Variants in MAST1 observed in about 807,000 individuals in gnomAD.
MAST1 encodes the protein microtubule associated serine/threonine kinase 1, also known as microtubule-associated serine/threonine-protein kinase 1.
MAST1 carries 40 observed loss-of-function variants against 124.6 expected under a neutral mutation model. That is an observed-to-expected ratio of 0.32 (90% CI 0.25 to 0.42). MAST1 has a LOEUF of 0.42. MAST1 is among the 10% of genes least tolerant of loss of function. MAST1 has a pLI of 1.00. For synonymous variants in MAST1, 938 were observed against 939.4 expected, an observed-to-expected ratio of 1.00 and a Z score of 0.03; for missense variants, 1,558 against 2,181.9, an observed-to-expected ratio of 0.71 and a Z score of 5.70.
At position 12,870,663 on chromosome 19, in the gene MAST1, C is replaced by CAAA. The variant is rs35890154; in HGVS notation, c.3004-147_3004-145dup. Among the ~76,000 whole-genome samples the CAAA allele has an allele frequency of 2.2e-3, 282 of 128,884 alleles. 3 individuals are homozygous for CAAA. The highest frequency in any genetic ancestry group is 7.1e-3 in the African/African-American group (243 of 34,128). 84.6% of individuals were successfully genotyped at this position (128,884 alleles called of 152,430 possible). A position where few individuals can be genotyped will look rare whatever the true frequency, so the allele number is the denominator to read the frequency against. ...CTGGGTGACAGAGTGAGACTCCGTC[C>CAAA]AAAAAAAAAAAAAAAATGTGGGGGG... is the stretch of plus-strand genomic sequence containing the variant. On this transcript the variant is annotated intron_variant, in intron 22 of 25. Transcript: ENST00000251472.
At position 12,865,051 on chromosome 19, in the gene MAST1, T is replaced by C. The variant is rs1217099209; in HGVS notation, c.1511T>C (p.Leu504Pro). 6.2e-7 allele frequency: 1 copy of C among 1,613,946 alleles called. No individual in the cohort carries two copies. The highest frequency in any genetic ancestry group is 8.5e-7 in the Non-Finnish European group (1 of 1,179,986). Reference sequence around the variant, plus strand: ...ATCCCCACCTGTGCCTACAGCCTCCTTATCACCTCCATGGGTCACATCAAG... The same window carrying C: ...ATCCCCACCTGTGCCTACAGCCTCCCTATCACCTCCATGGGTCACATCAAG... ...VHRDLKPDNL[L>P]ITSMGHIKLT... The change falls in exon 14 of 26, where the codon CTT becomes CCT. Residue 504 changes from leucine to proline, a missense_variant. Transcript: ENST00000251472. The surrounding 1 kb of genome is among the most constrained non-coding windows in gnomAD (Gnocchi z 7.1).
In MAST1 at chr19:12,866,038, G is replaced by A; in HGVS notation, c.1965G>A (p.Leu655=). The change falls in exon 17 of 26, where the codon CTG becomes CTA. Residue 655 remains leucine (L), a synonymous_variant. Transcript: ENST00000251472. The surrounding 1 kb of genome is among the most constrained non-coding windows in gnomAD (Gnocchi z 5.2). ...TTCGAGACCTGGACTGGACAGGGCT[G>A]CTGAGGCAGAAGGCCGAGTTCATCC... ...SFFRDLDWTG[L]LRQKAEFIPH... is the part of the protein sequence containing the mutation. The A allele has an allele frequency of 1.9e-6, 3 of 1,614,182 alleles. No homozygotes were observed. The highest frequency in any genetic ancestry group is 2.5e-6 in the Non-Finnish European group (3 of 1,180,040).
chr19:12,846,870 C>CA (rs386388580), intron 4 of MAST1, among the ~76,000 whole-genome samples: 5,212 of 46,918 alleles, frequency 0.11, 618 homozygotes, highest in African/African-American at 0.27. Context: ...AACTCCATCT[C>CA]AAAAAAAAAA....
At chr19:12,856,426 C>T (rs1002542059) in intron 10 of MAST1, among the ~76,000 whole-genome samples, 1 of 151,940 alleles carries the variant, frequency 6.6e-6, no homozygotes, top group South Asian at 2.1e-4. Flanking sequence ...CTTCAGCCTT[C>T]CAAGCAGCTG....
At position 12,858,597 on chromosome 19, in the gene MAST1, G is replaced by A. The variant is rs143426948; in HGVS notation, c.1224G>A (p.Gln408=). The change falls in exon 12 of 26, where the codon CAG becomes CAA. Residue 408 remains glutamine, a synonymous_variant. Transcript: ENST00000251472. ...QRFAMKKINK[Q]NLILRNQIQQ... ...TTGCCATGAAAAAGATCAACAAGCA[G>A]AACTTGATCCTCCGCAACCAGATCC... The A allele has an allele frequency of 3.3e-4, 527 of 1,614,264 alleles. 1 individual carries two copies. In the African/African-American group the frequency reaches 5.6e-3, roughly 17 times the overall value.
Position 12,865,993 on chromosome 19 carries a change from G to C in MAST1, c.1920G>C (p.Glu640Asp). 1 of 1,614,142 alleles carries C rather than the reference G, an allele frequency of 6.2e-7. No individual in the cohort carries two copies. Among genetic ancestry groups the C allele is most frequent in the Non-Finnish European group, 8.5e-7 (1 of 1,180,026 alleles). The change falls in exon 17 of 26, where the codon GAG (glutamate) becomes GAC (aspartate). Residue 640 changes from glutamate (E) to aspartate (D), a missense_variant. Glu to Asp is a conservative substitution (Grantham distance 45). This residue lies in a region of MAST1 where 145 missense variants were observed against 350.0 expected (regional missense o/e 0.41). Transcript: ENST00000251472. The surrounding 1 kb of genome is among the most constrained non-coding windows in gnomAD (Gnocchi z 7.1). ...CTTCCGTCCCAGGCGGCGCTTTTGA[G>C]GTGAAGCAGCACAGTTTCTTTCGAG... Reference protein sequence around the residue: ...LVRLGAGGAFEVKQHSFFRDL... With the variant: ...LVRLGAGGAFDVKQHSFFRDL...
chr19:12,869,369 G>A, intron 22 of MAST1, 74 bp downstream of exon 22: 1 of 1,223,024 alleles, frequency 8.2e-7, no homozygotes, highest in Non-Finnish European at 1.2e-6. Context: ...GCTCAAACCA[G>A]TTAGCCTGGG....
Position 12,847,521 on chromosome 19 carries a change from C to G in MAST1, c.488+71C>G. ...GACTTGTGCTTAGAGAGACCCCTGT[C>G]CCCGCGAATAAAAGGGTTACATCTT... On this transcript the variant is annotated intron_variant, in intron 5 of 25. Coordinates refer to ENST00000251472, the MANE Select transcript of MAST1 (RefSeq NM_014975.3). This position sits in a 1 kb window ranked among gnomAD's most constrained non-coding sequence, Gnocchi z 5.5. 1 of 1,610,752 alleles carries G rather than the reference C, an allele frequency of 6.2e-7. No individual in the cohort carries two copies. The highest frequency in any genetic ancestry group is 8.5e-7 in the Non-Finnish European group (1 of 1,177,884).
intron 10 of MAST1, among the ~76,000 whole-genome samples, chr19:12,855,350 A>T (rs1345753803): frequency 6.6e-6 from 1 of 152,118 alleles, no homozygotes; most frequent in Non-Finnish European, 1.5e-5. Context: ...GGCTGGGTGT[A>T]GTGGCTCATG....
chr19:12,873,692 AC>A lies in MAST1; in HGVS notation c.3536del (p.Thr1179SerfsTer96). 1 of 1,601,908 alleles carries A rather than the reference AC, an allele frequency of 6.2e-7. No homozygotes were observed. Among genetic ancestry groups the A allele is most frequent in the East Asian group, 2.2e-5 (1 of 44,790 alleles). ...SSASHHIRPS[T>X]LHGLSPKLHR... is the part of the protein sequence containing the mutation. ...GGCGTCGCACCACATTCGGCCCAGC[AC>A]GCTGCACGGACTGTCGCCAAAGCTC... is the stretch of plus-strand genomic sequence containing the variant. On this transcript the variant is annotated frameshift_variant, in exon 26 of 26. Coordinates refer to ENST00000251472, the MANE Select transcript of MAST1 (RefSeq NM_014975.3). LOFTEE classifies it low-confidence loss of function (END_TRUNC).
At chr19:12,861,198 A>T (rs966388398) in intron 12 of MAST1, among the ~76,000 whole-genome samples, 1 of 152,022 alleles carries the variant, frequency 6.6e-6, no homozygotes, top group African/African-American at 2.4e-5. Context: ...AGTAGCTGGG[A>T]CTAAAGGCGC....
intron 10 of MAST1, among the ~76,000 whole-genome samples, chr19:12,856,602 G>A (rs141990926): frequency 6.6e-6 from 1 of 152,138 alleles, no homozygotes; most frequent in African/African-American, 2.4e-5. Context: ...ACCACACCTG[G>A]CCTTTGCCAC....
intron 12 of MAST1, 182 bp downstream of exon 12, chr19:12,858,921 A>G (rs1406446887): frequency 3.2e-6 from 2 of 634,118 alleles, no homozygotes; most frequent in Non-Finnish European, 5.5e-6. Context: ...TCAGTCATCT[A>G]TTGGTTTATT....
In MAST1 at chr19:12,865,954, T is replaced by A; in HGVS notation, c.1907-26T>A. On this transcript the variant is annotated intron_variant, in intron 16 of 25. Transcript: ENST00000251472. The surrounding 1 kb of genome is among the most constrained non-coding windows in gnomAD (Gnocchi z 7.1). ...CTGGGCTGCTGGGTTGGCCATCAGC[T>A]GTGGCTGGAATCCCTTCCGTCCCAG... is the stretch of plus-strand genomic sequence containing the variant. 6.2e-7 allele frequency: 1 copy of A among 1,612,820 alleles called. No individual in the cohort carries two copies. Among genetic ancestry groups the A allele is most frequent in the Non-Finnish European group, 8.5e-7 (1 of 1,179,726 alleles).
At chr19:12,873,117 T>C in intron 24 of MAST1, 1 of 568,616 alleles carries the variant, frequency 1.8e-6, no homozygotes, top group Middle Eastern at 4.6e-4. Context: ...GGACTAGGAG[T>C]GGCCAAAGGG....
Position 12,868,767 on chromosome 19 carries a change from A to C in MAST1, c.2691A>C (p.Ala897=), listed in dbSNP as rs769912009. ...ARHQQMSGDV[A]VEKRPSRTGG... is the part of the protein sequence containing the mutation. Reference sequence around the variant, plus strand: ...ACCAGCAGATGTCAGGGGATGTGGCAGTAGAGAAGAGGCCTTCTCGAACTG... The same window carrying C: ...ACCAGCAGATGTCAGGGGATGTGGCCGTAGAGAAGAGGCCTTCTCGAACTG... The change falls in exon 21 of 26, where the codon GCA becomes GCC. Residue 897 remains alanine, a synonymous_variant. Coordinates refer to ENST00000251472, the MANE Select transcript of MAST1 (RefSeq NM_014975.3). The C allele has an allele frequency of 6.2e-7, 1 of 1,611,820 alleles. No homozygotes were observed. Among genetic ancestry groups the C allele is most frequent in the East Asian group, 2.2e-5 (1 of 44,826 alleles).
At chr19:12,849,588 C>T (rs1255447616) in intron 7 of MAST1, among the ~76,000 whole-genome samples, 1 of 151,634 alleles carries the variant, frequency 6.6e-6, no homozygotes, top group African/African-American at 2.4e-5. Context: ...CGCTTGAATC[C>T]GGGAGGCAGT....
In MAST1 at chr19:12,874,610, G is replaced by A; in HGVS notation, c.4453G>A (p.Val1485Met). Residue 1485 changes from valine to methionine, a missense_variant, in exon 26 of 26, where the codon GTG becomes ATG. By Grantham distance (21) the Val-to-Met change is conservative (BLOSUM62 1). Around this residue, in one of 10 missense-constraint regions of MAST1, gnomAD observed 168 missense variants for 154.3 expected, o/e 1.09. Transcript: ENST00000251472. This position sits in a 1 kb window ranked among gnomAD's most constrained non-coding sequence, Gnocchi z 6.6. ...CCGGGAGCGCTGGGTGTTGGAGGTG[G>A]TGGAGGAGCGCACCACGCTGAGCGG... The part of the protein sequence containing the change: ...RGRERWVLEV[V>M]EERTTLSGPR... 6.6e-7 allele frequency: 1 copy of A among 1,512,472 alleles called. No individual in the cohort carries two copies. 93.7% of individuals were successfully genotyped at this position (1,512,472 alleles called of 1,614,324 possible).
chr19:12,845,647 C>A (rs1969884555), intron 4 of MAST1, among the ~76,000 whole-genome samples: 1 of 149,436 alleles, frequency 6.7e-6, no homozygotes, highest in Non-Finnish European at 1.5e-5. Flanking sequence ...GCCTGTGACC[C>A]AGCAATTTTT....
Sources: gnomAD v4.1 joint callset for allele counts (sites outside exome capture counted in the v4.1 genomes callset) on GRCh38, gnomAD v4.1.1 for gene constraint, gnomAD v4.1.1 regional missense constraint, Gnocchi (gnomAD v3.1) non-coding constraint, MANE v1.5 for transcripts, NCBI Gene and HGNC (gene_info 2026-07-23, HGNC 2026-07-21) for gene names.